The following TMEM135 variants were observed in gnomAD, a reference collection of about 807,000 sequenced individuals.
The protein encoded by TMEM135 is peroxisomal membrane protein 52.
A neutral mutation model predicts 60.3 loss-of-function variants in TMEM135; 30 were observed. That is an observed-to-expected ratio of 0.50 (90% CI 0.37 to 0.68). The LOEUF is 0.68. TMEM135 is among the 30% of genes least tolerant of loss of function. The pLI is 0.00. For missense variants in TMEM135, 468 were observed against 548.8 expected (o/e 0.85, Z 1.47); for synonymous variants, 190 against 186.7 (o/e 1.02, Z -0.14).
intron 5 of TMEM135, among the ~76,000 whole-genome samples, chr11:87,176,592 T>C (rs902066588): frequency 6.6e-6 from 1 of 152,192 alleles, no homozygotes; most frequent in African/African-American, 2.4e-5. Flanking sequence ...TGTCATTAAT[T>C]TCAAATAGGA....
intron 6 of TMEM135, among the ~76,000 whole-genome samples, chr11:87,289,384 G>A (rs182606795): frequency 1.4e-5 from 2 of 146,140 alleles, no homozygotes; most frequent in East Asian, 2.1e-4. Flanking sequence ...CCACTAGAAC[G>A]TATTTCTCCT....
At chr11:87,283,351 A>G (rs886736664) in intron 6 of TMEM135, among the ~76,000 whole-genome samples, 2 of 151,854 alleles carry the variant, frequency 1.3e-5, no homozygotes, top group Non-Finnish European at 2.9e-5. Context: ...AAAAAAGAAA[A>G]GAAAAAGAGA....
At position 87,322,007 on chromosome 11, in the gene TMEM135, G is replaced by A. The variant is rs1441731107; in HGVS notation, c.*674G>A. On this transcript the variant is annotated 3_prime_UTR_variant, in exon 15 of 15. Coordinates refer to ENST00000305494, the MANE Select transcript of TMEM135 (RefSeq NM_022918.4). ...GACCAGTTAATTGGGCTATTTGGCA[G>A]CCCAGTGAACCTATGTACTAATGGC... is the stretch of plus-strand genomic sequence containing the variant. 1 of 454,318 alleles carries A rather than the reference G, an allele frequency of 2.2e-6. No individual in the cohort carries two copies. The highest frequency in any genetic ancestry group is 4.4e-6 in the Non-Finnish European group (1 of 226,758). 28.1% of individuals were successfully genotyped at this position (454,318 alleles called of 1,614,324 possible). A position where few individuals can be genotyped will look rare whatever the true frequency, so the allele number is the denominator to read the frequency against.
chr11:87,308,733 C>T (rs1942592685), intron 9 of TMEM135, among the ~76,000 whole-genome samples: 1 of 152,132 alleles, frequency 6.6e-6, no homozygotes, highest in Non-Finnish European at 1.5e-5. Context: ...TACTTACAGT[C>T]TCTCAGACAT....
chr11:87,169,772 A>T (rs906522914), intron 5 of TMEM135, among the ~76,000 whole-genome samples: 2 of 152,020 alleles, frequency 1.3e-5, no homozygotes, highest in South Asian at 2.1e-4. Flanking sequence ...TCTGACAATT[A>T]TGTATCTTGG....
rs1420805957 is a variant in TMEM135 at position 87,322,133 on chromosome 11, T to C, written c.*800T>C. 2.2e-6 allele frequency: 1 copy of C among 453,428 alleles called. No individual in the cohort carries two copies. Among genetic ancestry groups the C allele is most frequent in the South Asian group, 1.6e-5 (1 of 64,378 alleles). 28.1% of individuals were successfully genotyped at this position (453,428 alleles called of 1,614,324 possible). ...ACTTGAATATTTAAAAACAAAACTT[T>C]TAAACTTCCTATAGGTTTATGATGT... is the stretch of plus-strand genomic sequence containing the variant. On this transcript the variant is annotated 3_prime_UTR_variant, in exon 15 of 15. Coordinates refer to ENST00000305494, the MANE Select transcript of TMEM135 (RefSeq NM_022918.4).
chr11:87,263,245 T>A (rs1941688453), intron 6 of TMEM135, among the ~76,000 whole-genome samples: 1 of 152,214 alleles, frequency 6.6e-6, no homozygotes, highest in East Asian at 1.9e-4. Context: ...AAGATAAATT[T>A]GTCCTATTTA....
At chr11:87,222,964 G>A (rs12788784) in intron 5 of TMEM135, among the ~76,000 whole-genome samples, 1 of 152,100 alleles carries the variant, frequency 6.6e-6, no homozygotes, top group Non-Finnish European at 1.5e-5. Context: ...AGTTTGTCAT[G>A]CTAATTGGAG....
intron 3 of TMEM135, among the ~76,000 whole-genome samples, chr11:87,080,730 C>T (rs931268827): frequency 1.3e-5 from 2 of 152,002 alleles, no homozygotes; most frequent in Non-Finnish European, 2.9e-5. Context: ...TCTGTTGCTC[C>T]TGCTGGAGTG....
At chr11:87,065,966 C>T (rs1375673762) in intron 1 of TMEM135, among the ~76,000 whole-genome samples, 1 of 152,122 alleles carries the variant, frequency 6.6e-6, no homozygotes, top group Non-Finnish European at 1.5e-5. Context: ...TTTTATGTTC[C>T]TTGAAGGAAA....
At chr11:87,281,896 A>G (rs552535546) in intron 6 of TMEM135, among the ~76,000 whole-genome samples, 7 of 152,376 alleles carry the variant, frequency 4.6e-5, no homozygotes, top group Admixed American at 3.9e-4. Flanking sequence ...GTTGAGCCAT[A>G]GCTAACTCTT....
intron 4 of TMEM135, among the ~76,000 whole-genome samples, chr11:87,151,710 T>G (rs1357913348): frequency 6.6e-6 from 1 of 152,078 alleles, no homozygotes; most frequent in Non-Finnish European, 1.5e-5. Flanking sequence ...GCTTTTTTTT[T>G]TCCTAGAGAG....
chr11:87,133,492 CT>C, intron 4 of TMEM135, among the ~76,000 whole-genome samples: 1 of 152,274 alleles, frequency 6.6e-6, no homozygotes, highest in Admixed American at 6.5e-5. Context: ...ACCATGTCAA[CT>C]TTTTCTGAAG....
intron 6 of TMEM135, among the ~76,000 whole-genome samples, chr11:87,281,793 T>C (rs974567182): frequency 1.3e-5 from 2 of 152,220 alleles, no homozygotes. Context: ...GAACACAGTT[T>C]CCTATGTTTG....
At position 87,070,305 on chromosome 11, in the gene TMEM135, C is replaced by G. The variant is rs1434896038; in HGVS notation, c.270-1218C>G. Among the ~76,000 whole-genome samples, 3 of 152,082 alleles carry G rather than the reference C, an allele frequency of 2.0e-5. 1 individual carries two copies. The highest frequency in any genetic ancestry group is 4.8e-5 in the African/African-American group (2 of 41,422). On this transcript the variant is annotated intron_variant, in intron 2 of 14. Transcript: ENST00000305494. ...TTGCTACTTCTCCCTTTCTTAGGAA[C>G]ATATGTTTTCAAGGAAAAAAAACTT...
At chr11:87,124,463 A>G (rs914974538) in intron 4 of TMEM135, among the ~76,000 whole-genome samples, 2 of 152,144 alleles carry the variant, frequency 1.3e-5, no homozygotes, top group African/African-American at 4.8e-5. Context: ...AGCAGGTGGG[A>G]GGCCGCAGGG....
intron 1 of TMEM135, among the ~76,000 whole-genome samples, chr11:87,042,833 TACTGTTTA>T (rs1490169134): frequency 6.6e-6 from 1 of 152,076 alleles, no homozygotes; most frequent in African/African-American, 2.4e-5. Flanking sequence ...ATTCATCTTC[TACTGTTTA>T]AACTATTTCA....
chr11:87,287,960 T>C (rs1327210121), intron 6 of TMEM135, among the ~76,000 whole-genome samples: 2 of 152,184 alleles, frequency 1.3e-5, no homozygotes, highest in Non-Finnish European at 2.9e-5. Flanking sequence ...CAAGAATTGA[T>C]TTTTAAGATT....
chr11:87,273,908 G>C (rs1437901927), intron 6 of TMEM135, among the ~76,000 whole-genome samples: 2 of 151,766 alleles, frequency 1.3e-5, no homozygotes, highest in East Asian at 3.9e-4. Flanking sequence ...TCATTGTTTT[G>C]GTAAACATTG....
Sources: gnomAD v4.1 joint callset for allele counts (sites outside exome capture counted in the v4.1 genomes callset) on GRCh38, gnomAD v4.1.1 for gene constraint, MANE v1.5 for transcripts, NCBI Gene and HGNC (gene_info 2026-07-23, HGNC 2026-07-21) for gene names.